GRIP1: variants seen among roughly 807,000 people sequenced by gnomAD.
The protein encoded by GRIP1 is glutamate receptor-interacting protein 1.
A neutral mutation model predicts 129.9 loss-of-function variants in GRIP1; 45 were observed. That is an observed-to-expected ratio of 0.35 (90% CI 0.27 to 0.44). The LOEUF (loss-of-function observed/expected upper bound fraction) is 0.44, where lower values mean the gene tolerates loss of function less well. Ranked by LOEUF, GRIP1 falls within the 20% of genes least tolerant of loss-of-function variation. The probability of loss-of-function intolerance (pLI) is 1.00; values close to 1 mark genes in which losing one functional copy is unlikely to be tolerated. For synonymous variants in GRIP1, 530 were observed against 520.8 expected (o/e 1.02, Z -0.24); for missense variants, 1,196 against 1,396.8 (o/e 0.86, Z 2.29).
chr12:66,537,519 CAT>C (rs3047978), intron 4 of GRIP1, among the ~76,000 whole-genome samples: 46 of 149,344 alleles, frequency 3.1e-4, no homozygotes, highest in Admixed American at 7.4e-4. Flanking sequence ...ATGGATATAT[CAT>C]ATATATATAT....
At chr12:67,046,927 C>T (rs1283099984) in intron 1 of GRIP1, among the ~76,000 whole-genome samples, 1 of 152,152 alleles carries the variant, frequency 6.6e-6, no homozygotes, top group Admixed American at 6.5e-5. Flanking sequence ...TATTACTGTA[C>T]TCTTTATGGC....
At chr12:66,759,947 C>T (rs571550219) in intron 1 of GRIP1, among the ~76,000 whole-genome samples, 34 of 152,034 alleles carry the variant, frequency 2.2e-4, no homozygotes, top group African/African-American at 7.5e-4. Flanking sequence ...CTCCGCCTTC[C>T]GGGTTCACGC....
intron 15 of GRIP1, among the ~76,000 whole-genome samples, chr12:66,411,980 G>A (rs1374119087): frequency 6.6e-6 from 1 of 152,206 alleles, no homozygotes; most frequent in Non-Finnish European, 1.5e-5. Context: ...ATGGGATTAT[G>A]TAAAAAGACC....
intron 1 of GRIP1, among the ~76,000 whole-genome samples, chr12:66,973,993 G>A (rs2137587933): frequency 6.9e-6 from 1 of 145,110 alleles, no homozygotes; most frequent in East Asian, 2.0e-4. Flanking sequence ...CGTGATCTCG[G>A]CTCACTGCAA....
intron 2 of GRIP1, among the ~76,000 whole-genome samples, chr12:66,558,316 G>A: frequency 6.6e-6 from 1 of 152,130 alleles, no homozygotes; most frequent in East Asian, 1.9e-4. Context: ...TGGCAGGCAA[G>A]GGCGAATGAG....
At chr12:67,023,188 T>C (rs1310080748) in intron 1 of GRIP1, among the ~76,000 whole-genome samples, 1 of 152,212 alleles carries the variant, frequency 6.6e-6, no homozygotes, top group Non-Finnish European at 1.5e-5. Context: ...GGATAACTTA[T>C]CTAAGAAATT....
At chr12:66,356,628 G>A (rs764107706) in intron 23 of GRIP1, among the ~76,000 whole-genome samples, 8 of 152,188 alleles carry the variant, frequency 5.3e-5, no homozygotes, top group South Asian at 2.1e-4. Flanking sequence ...CAACCACCAA[G>A]AGCTTGCCAT....
chr12:66,353,585 T>C (rs1426255833), intron 23 of GRIP1, 22 bp from the exon 24 acceptor site: 1 of 1,612,322 alleles, frequency 6.2e-7, no homozygotes, highest in South Asian at 1.1e-5. Flanking sequence ...AAATGGGATG[T>C]GAATATTTAG....
At chr12:66,481,522 T>C (rs903004066) in intron 7 of GRIP1, among the ~76,000 whole-genome samples, 2 of 152,202 alleles carry the variant, frequency 1.3e-5, no homozygotes, top group African/African-American at 4.8e-5. Context: ...AGTTCAACCA[T>C]TGTGGAAGTC....
chr12:67,039,103 A>G (rs529524479), intron 1 of GRIP1, among the ~76,000 whole-genome samples: 1 of 152,228 alleles, frequency 6.6e-6, no homozygotes, highest in South Asian at 2.1e-4. Flanking sequence ...AGAGGTCCTG[A>G]AAATCTAAGT....
At chr12:66,390,302 G>C (rs2056531966) in intron 19 of GRIP1, among the ~76,000 whole-genome samples, 1 of 152,178 alleles carries the variant, frequency 6.6e-6, no homozygotes, top group South Asian at 2.1e-4. Context: ...TTAGTTATGT[G>C]AAAGTGCTTT....
At chr12:66,789,880 T>C (rs570910265) in intron 1 of GRIP1, among the ~76,000 whole-genome samples, 34 of 152,268 alleles carry the variant, frequency 2.2e-4, no homozygotes, top group South Asian at 1.9e-3. Context: ...TAATAACTTT[T>C]ATAAGCAGAA....
chr12:66,593,977 A>C (rs1439119195), intron 2 of GRIP1, among the ~76,000 whole-genome samples: 3 of 144,912 alleles, frequency 2.1e-5, no homozygotes, highest in Admixed American at 7.1e-5. Flanking sequence ...CTGAGGCAGG[A>C]GAATGGTGTG....
intron 16 of GRIP1, among the ~76,000 whole-genome samples, chr12:66,406,014 T>C (rs555863074): frequency 6.6e-6 from 1 of 152,366 alleles, no homozygotes; most frequent in South Asian, 2.1e-4. Context: ...CTGTATTAGA[T>C]GATGATTTAG....
intron 1 of GRIP1, among the ~76,000 whole-genome samples, chr12:67,047,330 CA>C (rs1273683684): frequency 6.6e-6 from 1 of 151,980 alleles, no homozygotes; most frequent in Non-Finnish European, 1.5e-5. Context: ...TGAGACACAG[CA>C]AAAAATAATG....
chr12:66,660,120 T>A (rs1183596629), intron 1 of GRIP1, among the ~76,000 whole-genome samples: 1 of 152,214 alleles, frequency 6.6e-6, no homozygotes, highest in African/African-American at 2.4e-5. Flanking sequence ...TCAGCCCAAC[T>A]ATTCTCTTGT....
chr12:66,918,104 T>C (rs1345276560), intron 1 of GRIP1, among the ~76,000 whole-genome samples: 2 of 151,580 alleles, frequency 1.3e-5, no homozygotes, highest in South Asian at 2.1e-4. Context: ...GCAAGGTAAG[T>C]TGGTGAGCTG....
At chr12:66,673,374 T>C (rs1345438555) in intron 1 of GRIP1, among the ~76,000 whole-genome samples, 1 of 152,186 alleles carries the variant, frequency 6.6e-6, no homozygotes. Context: ...GTTAATCGAT[T>C]AGAATGCCTA....
intron 15 of GRIP1, among the ~76,000 whole-genome samples, chr12:66,415,798 C>T (rs532672277): frequency 1.4e-3 from 217 of 152,202 alleles, no homozygotes; most frequent in African/African-American, 5.0e-3. Flanking sequence ...AAGGCTTTAT[C>T]CTCAGCAAAC....
Sources: gnomAD v4.1 joint callset for allele counts (sites outside exome capture counted in the v4.1 genomes callset) on GRCh38, gnomAD v4.1.1 for gene constraint, MANE v1.5 for transcripts, NCBI Gene and HGNC (gene_info 2026-07-23, HGNC 2026-07-21) for gene names.